Variants in EXT1 observed in about 807,000 individuals in gnomAD.
The protein encoded by EXT1 is exostosin glycosyltransferase 1.
EXT1 carries 20 observed loss-of-function variants against 82.5 expected under a neutral mutation model. That is an observed-to-expected ratio of 0.24 (90% CI 0.17 to 0.35). The LOEUF is 0.35. Ranked by LOEUF, EXT1 falls within the 10% of genes least tolerant of loss-of-function variation. The probability of loss-of-function intolerance (pLI) is 1.00; values close to 1 mark genes in which losing one functional copy is unlikely to be tolerated. For synonymous variants in EXT1, 348 were observed against 350.8 expected, an observed-to-expected ratio of 0.99 and a Z score of 0.09; for missense variants, 757 against 936.5, an observed-to-expected ratio of 0.81 and a Z score of 2.50.
intron 1 of EXT1, among the ~76,000 whole-genome samples, chr8:117,843,635 T>C (rs989472694): frequency 1.3e-5 from 2 of 152,112 alleles, no homozygotes; most frequent in Admixed American, 1.3e-4. Context: ...TGACATCTCC[T>C]AGAGCTCAGA....
chr8:117,937,502 C>T (rs1218066890), intron 1 of EXT1, among the ~76,000 whole-genome samples: 1 of 152,204 alleles, frequency 6.6e-6, no homozygotes, highest in Non-Finnish European at 1.5e-5. Context: ...TTTCTTCATC[C>T]TGCCCCCTCC....
intron 1 of EXT1, among the ~76,000 whole-genome samples, chr8:117,944,876 A>G (rs1814356051): frequency 6.6e-6 from 1 of 152,128 alleles, no homozygotes; most frequent in South Asian, 2.1e-4. Flanking sequence ...AAAATAGATC[A>G]TCTCGGCCAG....
At chr8:117,993,930 G>A (rs1815485389) in intron 1 of EXT1, among the ~76,000 whole-genome samples, 1 of 152,184 alleles carries the variant, frequency 6.6e-6, no homozygotes, top group Non-Finnish European at 1.5e-5. Context: ...ATCCCCAATG[G>A]CCAATGGCTT....
chr8:118,021,644 T>C (rs980631090), intron 1 of EXT1, among the ~76,000 whole-genome samples: 1 of 152,208 alleles, frequency 6.6e-6, no homozygotes, highest in African/African-American at 2.4e-5. Context: ...AACAGAATCG[T>C]TTCCCTGTGT....
At chr8:117,854,447 AAC>A (rs953999251) in intron 1 of EXT1, among the ~76,000 whole-genome samples, 4 of 151,562 alleles carry the variant, frequency 2.6e-5, no homozygotes, top group Admixed American at 6.6e-5. Flanking sequence ...AGGGGGAGAA[AAC>A]ACACACACAC....
intron 1 of EXT1, among the ~76,000 whole-genome samples, chr8:117,958,595 T>G (rs2129711674): frequency 6.6e-6 from 1 of 152,302 alleles, no homozygotes; most frequent in East Asian, 1.9e-4. Flanking sequence ...TCTACTATAA[T>G]TTGGTTGCTT....
chr8:117,891,614 C>T (rs1244302726), intron 1 of EXT1, among the ~76,000 whole-genome samples: 1 of 152,056 alleles, frequency 6.6e-6, no homozygotes, highest in Non-Finnish European at 1.5e-5. Context: ...TATGCTTTTC[C>T]TATGAACTCA....
chr8:117,927,604 T>C (rs1813977576), intron 1 of EXT1, among the ~76,000 whole-genome samples: 1 of 152,082 alleles, frequency 6.6e-6, no homozygotes, highest in Non-Finnish European at 1.5e-5. Context: ...CTTAAAATAA[T>C]AATCTTAGTC....
At chr8:117,884,643 G>A (rs756872420) in intron 1 of EXT1, among the ~76,000 whole-genome samples, 6 of 151,538 alleles carry the variant, frequency 4.0e-5, no homozygotes, top group Non-Finnish European at 4.4e-5. Context: ...AAAGCCCCCC[G>A]CCCCTCAAAT....
At chr8:118,010,634 TC>T (rs1296926273) in intron 1 of EXT1, among the ~76,000 whole-genome samples, 251 of 152,280 alleles carry the variant, frequency 1.6e-3, no homozygotes, top group African/African-American at 5.8e-3. Flanking sequence ...AGCATTCAGG[TC>T]CTTTAGGAGC....
intron 1 of EXT1, among the ~76,000 whole-genome samples, chr8:117,988,181 A>G (rs530562097): frequency 1.3e-5 from 2 of 152,368 alleles, no homozygotes; most frequent in South Asian, 2.1e-4. Context: ...AACAAGGCTA[A>G]TATTAGTTTC....
intron 1 of EXT1, among the ~76,000 whole-genome samples, chr8:117,871,753 G>A (rs1178360597): frequency 2.0e-5 from 3 of 152,142 alleles, no homozygotes; most frequent in Non-Finnish European, 4.4e-5. Context: ...GCACTCTGAG[G>A]CTTGTCTTCT....
chr8:117,945,260 G>T (rs1814365388), intron 1 of EXT1, among the ~76,000 whole-genome samples: 1 of 152,222 alleles, frequency 6.6e-6, no homozygotes, highest in Admixed American at 6.5e-5. Context: ...CACACAGCAA[G>T]TTGGTAAAGC....
chr8:117,864,769 A>C (rs17430441), intron 1 of EXT1, among the ~76,000 whole-genome samples: 1 of 123,828 alleles, frequency 8.1e-6, no homozygotes, highest in Non-Finnish European at 1.7e-5. Flanking sequence ...AAAAAATCGC[A>C]AAAAAAAAAA....
chr8:118,072,887 C>T (rs558751696), intron 1 of EXT1, among the ~76,000 whole-genome samples: 5 of 152,288 alleles, frequency 3.3e-5, no homozygotes, highest in Admixed American at 3.3e-4. Flanking sequence ...TAATGGGTTA[C>T]GGGAACCCAA....
At chr8:117,884,577 C>T (rs1190135570) in intron 1 of EXT1, among the ~76,000 whole-genome samples, 1 of 152,162 alleles carries the variant, frequency 6.6e-6, no homozygotes, top group African/African-American at 2.4e-5. Context: ...TTCAAATTAC[C>T]GTTGTATCAT....
rs767327866 is a variant in EXT1, at chr8:117,818,495, T to A, written c.1572A>T (p.Pro524=). Reference sequence around the variant, plus strand: ...CAGTGGCAGGCCAGCGGTGTTTGGCTGGTAGGGGCTTGTCACAATTCCATA... The same window carrying A: ...CAGTGGCAGGCCAGCGGTGTTTGGCAGGTAGGGGCTTGTCACAATTCCATA... ...IVLWNCDKPL[P]AKHRWPATAV... The change falls in exon 7 of 11, where the codon CCA becomes CCT. Residue 524 remains proline (P), a synonymous_variant. Transcript: ENST00000378204. The A allele has an allele frequency of 6.2e-7, 1 of 1,614,078 alleles. No individual in the cohort carries two copies. The highest frequency in any genetic ancestry group is 8.5e-7 in the Non-Finnish European group (1 of 1,179,994).
chr8:117,851,712 A>C (rs1482427337), intron 1 of EXT1, among the ~76,000 whole-genome samples: 1 of 152,114 alleles, frequency 6.6e-6, no homozygotes, highest in East Asian at 1.9e-4. Context: ...CCACTAAATG[A>C]CAAAGATTTT....
chr8:117,901,119 C>A (rs746503240), intron 1 of EXT1, among the ~76,000 whole-genome samples: 1 of 152,174 alleles, frequency 6.6e-6, no homozygotes, highest in African/African-American at 2.4e-5. Flanking sequence ...AGAATACAGT[C>A]ATGAGTCACT....
Sources: gnomAD v4.1 joint callset for allele counts (sites outside exome capture counted in the v4.1 genomes callset) on GRCh38, gnomAD v4.1.1 for gene constraint, MANE v1.5 for transcripts, NCBI Gene and HGNC (gene_info 2026-07-23, HGNC 2026-07-21) for gene names.